Variants in IRAG1 observed in about 807,000 individuals in gnomAD.
IRAG1 encodes inositol 1,4,5-triphosphate receptor associated 1, also known as IP3R-associated cGMP kinase substrate.
IRAG1 carries 62 observed loss-of-function variants against 106.2 expected under a neutral mutation model. The ratio of observed to expected loss-of-function variants is 0.58; its 90% CI spans 0.48 to 0.72. The LOEUF is 0.72. Ranked by LOEUF, IRAG1 falls within the 30% of genes least tolerant of loss-of-function variation. IRAG1 has a pLI of 0.00. For synonymous variants in IRAG1, 462 were observed against 443.9 expected, an observed-to-expected ratio of 1.04 and a Z score of -0.51; for missense variants, 1,064 against 1,140.7, an observed-to-expected ratio of 0.93 and a Z score of 0.97.
At chr11:10,618,733 A>AT (rs1419278822) in intron 10 of IRAG1, among the ~76,000 whole-genome samples, 3 of 152,226 alleles carry the variant, frequency 2.0e-5, no homozygotes, top group Non-Finnish European at 4.4e-5. Flanking sequence ...AGAGGAAAGA[A>AT]TGAGCTGCCG....
At chr11:10,645,230 T>C (rs762386362) in intron 2 of IRAG1, among the ~76,000 whole-genome samples, 1 of 152,208 alleles carries the variant, frequency 6.6e-6, no homozygotes, top group African/African-American at 2.4e-5. Context: ...TGAATAATCA[T>C]CCCTTGCCTC....
At chr11:10,580,782 C>G (rs1337784064) in intron 19 of IRAG1, among the ~76,000 whole-genome samples, 193 bp from the exon 20 acceptor site, 2 of 152,202 alleles carry the variant, frequency 1.3e-5, no homozygotes, top group Admixed American at 6.5e-5. Context: ...TCCCCTCACT[C>G]CTCAGTCATC....
chr11:10,618,306 A>G (rs548213163), intron 10 of IRAG1, among the ~76,000 whole-genome samples: 1 of 152,246 alleles, frequency 6.6e-6, no homozygotes, highest in East Asian at 1.9e-4. Context: ...CTTTGTTCCC[A>G]GGTACTTTAT....
chr11:10,582,909 C>G (rs755588693), intron 18 of IRAG1, among the ~76,000 whole-genome samples: 4 of 152,154 alleles, frequency 2.6e-5, no homozygotes, highest in African/African-American at 9.7e-5. Context: ...GAGCTGAGAT[C>G]GCACCACTGC....
In IRAG1 at chr11:10,629,602, C is replaced by T; in HGVS notation, c.510G>A (p.Val170=). 1 of 1,614,042 alleles carries T rather than the reference C, an allele frequency of 6.2e-7. No individual in the cohort carries two copies. The highest frequency in any genetic ancestry group is 8.5e-7 in the Non-Finnish European group (1 of 1,179,888). The change falls in exon 5 of 21, where the codon GTG becomes GTA. Residue 170 remains valine (V), a synonymous_variant. Coordinates refer to ENST00000423302, the MANE Select transcript of IRAG1 (RefSeq NM_130385.4). Reference sequence around the variant, plus strand: ...CACGGCGGGTCAGGAATCGCTCACTCACCAACTTGGCTTCTTCCAGCAGCG... The same window carrying T: ...CACGGCGGGTCAGGAATCGCTCACTTACCAACTTGGCTTCTTCCAGCAGCG... ...NLALLEEAKL[V]SERFLTRRGR... is the part of the protein sequence containing the mutation.
intron 2 of IRAG1, among the ~76,000 whole-genome samples, chr11:10,637,455 T>A (rs1225657647): frequency 1.3e-5 from 2 of 152,186 alleles, no homozygotes; most frequent in Admixed American, 1.3e-4. Flanking sequence ...TAGTATGCCT[T>A]GATGGGCTGG....
intron 18 of IRAG1, among the ~76,000 whole-genome samples, chr11:10,583,722 C>T (rs1851630524): frequency 6.6e-6 from 1 of 152,110 alleles, no homozygotes; most frequent in Non-Finnish European, 1.5e-5. Flanking sequence ...CCCGAAGGAA[C>T]TCAGTCTTTG....
rs1341088484 is a variant in IRAG1, at chr11:10,628,473, G to A, written c.652+278C>T. ...CTTCTCTGAGCCTCCCTGAGCCAGAGAGGCTGTCCTAGTCCCCTTTCCCAC... is the reference window on the plus strand; with the variant it reads ...CTTCTCTGAGCCTCCCTGAGCCAGAAAGGCTGTCCTAGTCCCCTTTCCCAC... On this transcript the variant is annotated intron_variant, in intron 6 of 20. Transcript: ENST00000423302. The surrounding 1 kb of genome is among the most constrained non-coding windows in gnomAD (Gnocchi z 4.1). 6.6e-6 allele frequency among the ~76,000 whole-genome samples: 1 copy of A among 152,212 alleles called. No homozygotes were observed. Among genetic ancestry groups the A allele is most frequent in the Non-Finnish European group, 1.5e-5 (1 of 68,034 alleles).
chr11:10,584,095 A>T (rs937144879), intron 18 of IRAG1, among the ~76,000 whole-genome samples: 3 of 152,154 alleles, frequency 2.0e-5, no homozygotes, highest in Admixed American at 6.5e-5. Flanking sequence ...CTTTCCCTAG[A>T]AATCCTGCAG....
chr11:10,691,632 C>T (rs1166504015), intron 1 of IRAG1, among the ~76,000 whole-genome samples: 5 of 152,062 alleles, frequency 3.3e-5, no homozygotes, highest in South Asian at 2.1e-4. Context: ...TGAGCTTGGA[C>T]GAGTCATTTA....
intron 8 of IRAG1, 97 bp downstream of exon 8, chr11:10,627,617 GCA>G: frequency 2.3e-6 from 3 of 1,286,746 alleles, no homozygotes; most frequent in Non-Finnish European, 3.4e-6. Flanking sequence ...ACGTGTGCAT[GCA>G]CACACACTTG....
intron 1 of IRAG1, among the ~76,000 whole-genome samples, chr11:10,668,776 A>T (rs945195013): frequency 6.6e-6 from 1 of 152,196 alleles, no homozygotes; most frequent in Non-Finnish European, 1.5e-5. Flanking sequence ...TATCTCTAAC[A>T]TTTGGTATAT....
In IRAG1 at chr11:10,633,883, A is replaced by G. The variant is rs1856932191; in HGVS notation, c.329+85T>C. 6 of 733,650 alleles carry G rather than the reference A, an allele frequency of 8.2e-6. No homozygotes were observed. The South Asian group carries it at 1.8e-4, about 23-fold the overall frequency. 45.4% of individuals were successfully genotyped at this position (733,650 alleles called of 1,614,324 possible). The stretch of plus-strand genomic sequence containing the variant: ...CAATAAAATGATACAAGAAAAAAGA[A>G]AAGATTTATTTAAAAATATAGCTGT... On this transcript the variant is annotated intron_variant, in intron 3 of 20. Transcript: ENST00000423302.
At position 10,668,220 on chromosome 11, in the gene IRAG1, T is replaced by C. The variant is rs74938088; in HGVS notation, c.68-16038A>G. 3.0e-3 allele frequency among the ~76,000 whole-genome samples: 464 copies of C among 152,306 alleles called. 5 individuals are homozygous for C. Among genetic ancestry groups the C allele is most frequent in the African/African-American group, 0.01 (435 of 41,570 alleles). On this transcript the variant is annotated intron_variant, in intron 1 of 20. Transcript: ENST00000423302. The stretch of plus-strand genomic sequence containing the variant: ...ATTTTAAATTGTTTAGTTGGAAACA[T>C]AGACTTTAACCTTCTATTTGCCACT...
At chr11:10,582,934 G>A (rs1163394287) in intron 18 of IRAG1, among the ~76,000 whole-genome samples, 7 of 152,348 alleles carry the variant, frequency 4.6e-5, no homozygotes, top group African/African-American at 1.7e-4. Context: ...CAGCCTGGAT[G>A]ACAAAGCAAA....
chr11:10,646,521 C>G (rs1380281179), intron 2 of IRAG1, among the ~76,000 whole-genome samples: 1 of 152,194 alleles, frequency 6.6e-6, no homozygotes, highest in East Asian at 1.9e-4. Context: ...AGGCCAGCAC[C>G]TCCATAGCCA....
chr11:10,573,591 C>G lies in IRAG1; in HGVS notation c.*2741G>C, dbSNP rs912426402. The G allele has an allele frequency of 9.2e-5, 14 of 152,252 alleles. No individual in the cohort carries two copies. The highest frequency in any genetic ancestry group is 3.4e-4 in the African/African-American group (14 of 41,454). The allele number at this position is 152,252 out of a possible 1,614,324, so 9.4% of individuals were successfully genotyped here. A position where few individuals can be genotyped will look rare whatever the true frequency, so the allele number is the denominator to read the frequency against. Reference sequence around the variant, plus strand: ...TGCTCCCTTTTGGAGATGTCCTTTTCCTCGACCTCCCTTGCTTACAAATGG... The same window carrying G: ...TGCTCCCTTTTGGAGATGTCCTTTTGCTCGACCTCCCTTGCTTACAAATGG... On this transcript the variant is annotated 3_prime_UTR_variant, in exon 21 of 21. Transcript: ENST00000423302.
rs547690577 is a variant in IRAG1, at chr11:10,651,959, C to A, written c.225+66G>T. 11 of 1,475,946 alleles carry A rather than the reference C, an allele frequency of 7.5e-6. No homozygotes were observed. The African/African-American group carries it at 1.5e-4, about 21-fold the overall frequency. The allele number at this position is 1,475,946 out of a possible 1,614,324, so 91.4% of individuals were successfully genotyped here. A position where few individuals can be genotyped will look rare whatever the true frequency, so the allele number is the denominator to read the frequency against. On this transcript the variant is annotated intron_variant, in intron 2 of 20. Coordinates refer to ENST00000423302, the MANE Select transcript of IRAG1 (RefSeq NM_130385.4). ...CCTCTGGCCAGCCTAAAAGCTGTGG[C>A]CTCAGCCCAGGGTGCTTGGCTTGGC...
At chr11:10,583,261 A>C (rs1851576297) in intron 18 of IRAG1, among the ~76,000 whole-genome samples, 1 of 152,192 alleles carries the variant, frequency 6.6e-6, no homozygotes, top group Non-Finnish European at 1.5e-5. Flanking sequence ...AAGAAAGACA[A>C]GAGGAGGACC....
Sources: allele counts gnomAD v4.1 joint callset (sites outside exome capture counted in the v4.1 genomes callset), GRCh38; gene constraint gnomAD v4.1.1; non-coding constraint Gnocchi (gnomAD v3.1); transcripts MANE v1.5; gene names NCBI Gene and HGNC (gene_info 2026-07-23, HGNC 2026-07-21).